HAVCR1: variants seen among roughly 807,000 people sequenced by gnomAD.
HAVCR1 encodes the protein T cell immunoglobin domain and mucin domain protein 1.
HAVCR1 carries 34 observed loss-of-function variants against 32.0 expected under a neutral mutation model. That is an observed-to-expected ratio of 1.06 (90% CI 0.81 to 1.42). HAVCR1 has a LOEUF of 1.42. Ranked by LOEUF, HAVCR1 falls within the 40% of genes most tolerant of loss-of-function variation. HAVCR1 has a pLI of 0.00. For missense variants in HAVCR1, 420 were observed against 442.3 expected (o/e 0.95, Z 0.45); for synonymous variants, 178 against 170.3 (o/e 1.05, Z -0.35).
intron 6 of HAVCR1, 69 bp downstream of exon 6, chr5:157,042,558 A>G: frequency 1.1e-6 from 1 of 934,520 alleles, no homozygotes; most frequent in Middle Eastern, 2.2e-4. Context: ...CATAGTCTTT[A>G]AATGTAACTT....
At chr5:157,068,520 A>G in the HAVCR1 span, among the ~76,000 whole-genome samples, 1 of 150,374 alleles carries the variant, frequency 6.7e-6, no homozygotes, top group African/African-American at 2.5e-5. Context: ...CCAGGAGTTC[A>G]AGGTTACAGT....
At chr5:157,058,480 G>C (rs1386050318) in intron 1 of HAVCR1, 3 of 153,130 alleles carry the variant, frequency 2.0e-5, no homozygotes, top group African/African-American at 4.8e-5. Context: ...GGAGAATGGC[G>C]TGAACCCGCG....
chr5:157,064,859 C>T, the HAVCR1 span, among the ~76,000 whole-genome samples: 3 of 151,968 alleles, frequency 2.0e-5, no homozygotes, highest in Non-Finnish European at 4.4e-5. Flanking sequence ...CAGAGCAAGA[C>T]TCCATCTCAA....
In HAVCR1 at chr5:157,049,111, T is replaced by C. The variant is rs1270135063; in HGVS notation, c.708A>G (p.Glu236=). 4 of 1,612,960 alleles carry C rather than the reference T, an allele frequency of 2.5e-6. No individual in the cohort carries two copies. In the East Asian group the frequency reaches 6.7e-5, roughly 27 times the overall value. The change falls in exon 5 of 9, where the codon GAA becomes GAG. Residue 236 remains glutamate (E), a synonymous_variant. Transcript: ENST00000523175. ...CTCCCTGCAGTGTCGTAGGGTGGGT[T>C]TCTGCTGGCTGAGGTGAAGATGGTG... The part of the protein sequence containing the change: ...ATSPSSPQPA[E]THPTTLQGAI...
At chr5:157,054,258 G>A (rs1164777405) in intron 3 of HAVCR1, among the ~76,000 whole-genome samples, 1 of 150,668 alleles carries the variant, frequency 6.6e-6, no homozygotes, top group Non-Finnish European at 1.5e-5. Flanking sequence ...CCAGCACTTT[G>A]GGAGACTGAG....
chr5:157,066,770 A>C, the HAVCR1 span, among the ~76,000 whole-genome samples: 1 of 152,144 alleles, frequency 6.6e-6, no homozygotes, highest in African/African-American at 2.4e-5. Context: ...TTGCTTCCTC[A>C]GTGAAAAAGG....
At chr5:157,062,698 C>G (rs1378229151), upstream of HAVCR1, among the ~76,000 whole-genome samples, 2 of 152,196 alleles carry the variant, frequency 1.3e-5, no homozygotes, top group African/African-American at 2.4e-5. Context: ...GCCCTGCCCA[C>G]TGCCCTAAGC....
upstream of HAVCR1, among the ~76,000 whole-genome samples, chr5:157,062,008 T>C (rs986313043): frequency 3.3e-5 from 5 of 152,100 alleles, no homozygotes; most frequent in African/African-American, 9.7e-5. Context: ...CCAAACAATA[T>C]AGCACAGTGG....
In HAVCR1 at chr5:157,055,476, G is replaced by C. The variant is rs1224965064; in HGVS notation, c.104C>G (p.Pro35Arg). The C allele has an allele frequency of 6.2e-7, 1 of 1,608,488 alleles. No homozygotes were observed. The highest frequency in any genetic ancestry group is 1.7e-5 in the Admixed American group (1 of 59,648). The change falls in exon 3 of 9, where the codon CCC becomes CGC. Residue 35 changes from proline (P) to arginine (R), a missense_variant. Pro to Arg is a moderately radical substitution (Grantham distance 103). Coordinates refer to ENST00000523175, the MANE Select transcript of HAVCR1 (RefSeq NM_001173393.3). ...GGEAGPSVTLPCHYSGAVTSM... is the reference protein window; with the variant it reads ...GGEAGPSVTLRCHYSGAVTSM... The stretch of plus-strand genomic sequence containing the variant: ...TGTGACAGCTCCACTGTAGTGGCAG[G>C]GTAGTGTGACAGATGGACCTGCCTC...
rs1251020693 is a variant in HAVCR1, at chr5:157,052,368, A to G, written c.666T>C (p.His222=). 3 of 1,614,110 alleles carry G rather than the reference A, an allele frequency of 1.9e-6. No homozygotes were observed. The highest frequency in any genetic ancestry group is 1.7e-6 in the Non-Finnish European group (2 of 1,179,936). The part of the protein sequence containing the change: ...VPPMPLPRQN[H]EPVATSPSSP... ...CAAACACATCTGTTTTACCTGGTTC[A>G]TGGTTCTGCCTGGGCAAAGGCATTG... The change falls in exon 4 of 9, where the codon CAT becomes CAC. Residue 222 remains histidine (H), a synonymous_variant. Transcript: ENST00000523175.
intron 7 of HAVCR1, among the ~76,000 whole-genome samples, chr5:157,035,795 A>C (rs79021452): frequency 2.7e-5 from 4 of 148,092 alleles, no homozygotes; most frequent in African/African-American, 9.8e-5. Flanking sequence ...ATTGAAAATT[A>C]AAAAAAAAAT....
chr5:157,069,095 T>C, the HAVCR1 span, among the ~76,000 whole-genome samples: 1 of 152,232 alleles, frequency 6.6e-6, no homozygotes, highest in Non-Finnish European at 1.5e-5. Flanking sequence ...CCACACAATT[T>C]TCTGCAGTTT....
the HAVCR1 span, among the ~76,000 whole-genome samples, chr5:157,065,283 C>T: frequency 1.3e-5 from 2 of 148,952 alleles, no homozygotes; most frequent in Non-Finnish European, 3.0e-5. Context: ...CGCGCCACTG[C>T]GCGACAGAGC....
intron 5 of HAVCR1, among the ~76,000 whole-genome samples, chr5:157,046,948 G>A (rs1400991544): frequency 3.9e-5 from 6 of 152,108 alleles, no homozygotes; most frequent in Admixed American, 1.3e-4. Flanking sequence ...ATGAATTTGG[G>A]AATTATCTAT....
upstream of HAVCR1, among the ~76,000 whole-genome samples, chr5:157,062,407 C>A (rs528817675): frequency 1.1e-4 from 16 of 152,296 alleles, 1 homozygote; most frequent in East Asian, 3.1e-3. Context: ...GAAAATAATT[C>A]ACTGTTCTTT....
At chr5:157,062,591 T>A (rs567755963), upstream of HAVCR1, among the ~76,000 whole-genome samples, 2 of 152,030 alleles carry the variant, frequency 1.3e-5, no homozygotes, top group Admixed American at 1.3e-4. Flanking sequence ...TACCTGTCAG[T>A]CTCTCCCTCA....
rs751243088 is a variant in HAVCR1 at position 157,057,909 on chromosome 5, A to T, written c.35T>A (p.Leu12Gln). 6.2e-7 allele frequency: 1 copy of T among 1,613,578 alleles called. No homozygotes were observed. Among genetic ancestry groups the T allele is most frequent in the Non-Finnish European group, 8.5e-7 (1 of 1,179,572 alleles). Reference protein sequence around the residue: ...HPQVVILSLILHLADSVAGSV... With the variant: ...HPQVVILSLIQHLADSVAGSV... ...ACCTACTCACTTACCTGCCAGATGT[A>T]GGATGAGGCTTAAGATGACCACTTG... Residue 12 changes from leucine to glutamine, a missense_variant, in exon 2 of 9, where the codon CTA becomes CAA. Coordinates refer to ENST00000523175, the MANE Select transcript of HAVCR1 (RefSeq NM_001173393.3).
intron 5 of HAVCR1, among the ~76,000 whole-genome samples, chr5:157,043,473 C>G (rs1167362446): frequency 6.6e-6 from 1 of 152,184 alleles, no homozygotes; most frequent in Non-Finnish European, 1.5e-5. Flanking sequence ...TCAAGACCAG[C>G]CTGGCCAACA....
chr5:157,069,312 T>C, the HAVCR1 span, among the ~76,000 whole-genome samples: 1 of 152,214 alleles, frequency 6.6e-6, no homozygotes, highest in Non-Finnish European at 1.5e-5. Flanking sequence ...CAAGCAACTA[T>C]ATCCTGATTT....
Sources: gnomAD v4.1 joint callset for allele counts (sites outside exome capture counted in the v4.1 genomes callset) on GRCh38, gnomAD v4.1.1 for gene constraint, MANE v1.5 for transcripts, NCBI Gene and HGNC (gene_info 2026-07-23, HGNC 2026-07-21) for gene names.